Variants in NDUFA7 observed in about 807,000 individuals in gnomAD.
The protein encoded by NDUFA7 is NADH:ubiquinone oxidoreductase subunit A7.
NDUFA7 carries 18 observed loss-of-function variants against 14.2 expected under a neutral mutation model. The ratio of observed to expected loss-of-function variants is 1.27; its 90% CI spans 0.88 to 1.88. NDUFA7 has a LOEUF of 1.88. Among genes scored for constraint, NDUFA7 ranks in the 40% most tolerant of loss-of-function variants. The pLI is 0.00. For synonymous variants in NDUFA7, 75 were observed against 62.1 expected, an observed-to-expected ratio of 1.21 and a Z score of -0.98; for missense variants, 172 against 147.3, an observed-to-expected ratio of 1.17 and a Z score of -0.87.
chr19:8,311,712 C>T (rs1970180039), intron 3 of NDUFA7, 117 bp from the exon 4 acceptor site: 4 of 774,828 alleles, frequency 5.2e-6, no homozygotes, highest in Non-Finnish European at 6.2e-6. Context: ...ACCTGCAGGA[C>T]AGACAGCAGG....
chr19:8,308,638 A>G, downstream of NDUFA7: 1 of 324,564 alleles, frequency 3.1e-6, no homozygotes, highest in Non-Finnish European at 5.6e-6. Context: ...CACGCCCCTC[A>G]GGCACTCCGC....
At chr19:8,315,338 G>T (rs2145394037) in intron 3 of NDUFA7, among the ~76,000 whole-genome samples, 1 of 152,138 alleles carries the variant, frequency 6.6e-6, no homozygotes, top group Non-Finnish European at 1.5e-5. Flanking sequence ...CAAGAGGAAG[G>T]CATCTGTCTC....
At chr19:8,320,090 GTGATCCGCCTGCCTCAGCCTCCCCAA>G in intron 2 of NDUFA7, among the ~76,000 whole-genome samples, 1 of 152,112 alleles carries the variant, frequency 6.6e-6, no homozygotes, top group Non-Finnish European at 1.5e-5. Context: ...TCCTGACCTC[GTGATCCGCCTGCCTCAGCCTCCCCAA>G]GTGCTGGGAT....
At chr19:8,312,016 C>T (rs1970184142) in intron 3 of NDUFA7, among the ~76,000 whole-genome samples, 1 of 152,250 alleles carries the variant, frequency 6.6e-6, no homozygotes, top group East Asian at 1.9e-4. Context: ...TGGGCAAGAA[C>T]TGCATGGCAG....
chr19:8,321,270 G>T, intron 1 of NDUFA7, 38 bp downstream of exon 1: 1 of 1,516,970 alleles, frequency 6.6e-7, no homozygotes, highest in Non-Finnish European at 8.8e-7. Context: ...CACGGAGCCC[G>T]AAGCCCCCCA....
In NDUFA7 at chr19:8,311,598, G is replaced by A; in HGVS notation, c.252-3C>T. 3.7e-6 allele frequency: 6 copies of A among 1,610,968 alleles called. No individual in the cohort carries two copies. Among genetic ancestry groups the A allele is most frequent in the Non-Finnish European group, 5.1e-6 (6 of 1,178,492 alleles). On this transcript the variant is annotated splice_region_variant and splice_polypyrimidine_tract_variant and intron_variant, in intron 3 of 3. Coordinates refer to ENST00000301457, the MANE Select transcript of NDUFA7 (RefSeq NM_005001.5). ...TCTCAGTGGCAGCTACAGCAGAGCT[G>A]GAGGAGGGAAAGACTTCAGTGAGGG...
rs907650828 is a variant in NDUFA7 at position 8,311,774 on chromosome 19, C to T, written c.252-179G>A. ...CGCAGCCCCTCAGAGGATCAGCCAA[C>T]GCCAGGTGGGAGCTAGCAAGCCTCC... On this transcript the variant is annotated intron_variant, in intron 3 of 3. Transcript: ENST00000301457. 5.3e-5 allele frequency among the ~76,000 whole-genome samples: 8 copies of T among 152,164 alleles called. No individual in the cohort carries two copies. In the South Asian group the frequency reaches 8.3e-4, roughly 16 times the overall value.
chr19:8,316,058 A>G (rs1970228748), intron 3 of NDUFA7, among the ~76,000 whole-genome samples: 1 of 149,974 alleles, frequency 6.7e-6, no homozygotes, highest in Admixed American at 6.7e-5. Context: ...GCTGAGGCAG[A>G]GAATCGCTTG....
intron 2 of NDUFA7, 130 bp from the exon 3 acceptor site, chr19:8,316,775 G>A: frequency 9.2e-7 from 1 of 1,088,436 alleles, no homozygotes; most frequent in Non-Finnish European, 1.3e-6. Flanking sequence ...ACAGGCTGGG[G>A]GTGTCCCTTG....
chr19:8,317,042 C>T (rs997814346), intron 2 of NDUFA7, among the ~76,000 whole-genome samples: 1 of 152,124 alleles, frequency 6.6e-6, no homozygotes, highest in Non-Finnish European at 1.5e-5. Flanking sequence ...AGGCTCTGGA[C>T]GCCCTGCGTT....
intron 2 of NDUFA7, among the ~76,000 whole-genome samples, chr19:8,319,993 GCGCCACCA>G (rs1555785878): frequency 1.3e-5 from 2 of 151,948 alleles, no homozygotes; most frequent in Non-Finnish European, 2.9e-5. Context: ...CTACCCGCGC[GCGCCACCA>G]CGCCCGGCTA....
At chr19:8,319,564 A>C (rs1430283094) in intron 2 of NDUFA7, 2 of 149,686 alleles carry the variant, frequency 1.3e-5, no homozygotes, top group Admixed American at 1.3e-4. Context: ...CCGTCTCAAA[A>C]AAAAAAAAAA....
downstream of NDUFA7, among the ~76,000 whole-genome samples, chr19:8,309,426 AC>A (rs1229761072): frequency 1.3e-5 from 2 of 151,710 alleles, no homozygotes; most frequent in Admixed American, 6.6e-5. Context: ...GTGCGCCGAG[AC>A]CACATCATTG....
chr19:8,311,356 A>G lies in NDUFA7; in HGVS notation c.*149T>C. On this transcript the variant is annotated 3_prime_UTR_variant, in exon 4 of 4. Coordinates refer to ENST00000301457, the MANE Select transcript of NDUFA7 (RefSeq NM_005001.5). ...GGAGTTCAAGATCAGCCTGGGAAACATGGTGAGACTCTGTCTCTATTTTTT... is the reference window on the plus strand; with the variant it reads ...GGAGTTCAAGATCAGCCTGGGAAACGTGGTGAGACTCTGTCTCTATTTTTT... The G allele has an allele frequency of 1.6e-6, 1 of 610,432 alleles. No individual in the cohort carries two copies. The allele number at this position is 610,432 out of a possible 1,614,324, so 37.8% of individuals were successfully genotyped here. A position where few individuals can be genotyped will look rare whatever the true frequency, so the allele number is the denominator to read the frequency against.
At position 8,316,542 on chromosome 19, in the gene NDUFA7, T is replaced by G; in HGVS notation, c.205A>C (p.Ile69Leu). The change falls in exon 3 of 4, where the codon ATC (isoleucine) becomes CTC (leucine). Residue 69 changes from isoleucine (I) to leucine (L), a missense_variant. Ile to Leu is a conservative substitution (Grantham distance 5). Transcript: ENST00000301457. ...ACCAGCGCCTTCTGCGACGACATGA[T>G]GATGGAAGGGGGCACAGATTCCCGG... ...GRRESVPPSIIMSSQKALVSG... is the reference protein window; with the variant it reads ...GRRESVPPSILMSSQKALVSG... 2.5e-6 allele frequency: 4 copies of G among 1,614,022 alleles called. No homozygotes were observed. Among genetic ancestry groups the G allele is most frequent in the Non-Finnish European group, 3.4e-6 (4 of 1,180,002 alleles).
chr19:8,321,272 A>G (rs1970305726), intron 1 of NDUFA7, 36 bp downstream of exon 1: 1 of 1,520,138 alleles, frequency 6.6e-7, no homozygotes, highest in Admixed American at 2.1e-5. Context: ...CGGAGCCCGA[A>G]GCCCCCCATG....
intron 2 of NDUFA7, among the ~76,000 whole-genome samples, chr19:8,319,934 CT>C (rs758565304): frequency 1.4e-4 from 22 of 152,212 alleles, no homozygotes; most frequent in Non-Finnish European, 2.2e-4. Context: ...CAATATCCAC[CT>C]CCTGTGTTCA....
At chr19:8,312,028 C>T (rs1200102122) in intron 3 of NDUFA7, among the ~76,000 whole-genome samples, 3 of 152,260 alleles carry the variant, frequency 2.0e-5, no homozygotes, top group Admixed American at 6.5e-5. Context: ...GCATGGCAGG[C>T]GCTACTGTGT....
rs764256926 is a variant in NDUFA7, at chr19:8,316,654, A to C, written c.102-9T>G. On this transcript the variant is annotated splice_polypyrimidine_tract_variant and intron_variant, in intron 2 of 3. Transcript: ENST00000301457. ...TGGGAGGAGGCTGAGTTCTGAGGGGAAAAAAGATGAGCACTGAAGCAAAGA... is the reference window on the plus strand; with the variant it reads ...TGGGAGGAGGCTGAGTTCTGAGGGGCAAAAAGATGAGCACTGAAGCAAAGA... 6.2e-7 allele frequency: 1 copy of C among 1,612,740 alleles called. No homozygotes were observed. The highest frequency in any genetic ancestry group is 1.7e-5 in the Admixed American group (1 of 59,924).
Sources: gnomAD v4.1 joint callset for allele counts (sites outside exome capture counted in the v4.1 genomes callset) on GRCh38, gnomAD v4.1.1 for gene constraint, MANE v1.5 for transcripts, NCBI Gene and HGNC (gene_info 2026-07-23, HGNC 2026-07-21) for gene names.